SP140: variants seen among roughly 807,000 people sequenced by gnomAD.
The protein encoded by SP140 is nuclear body protein SP140.
A neutral mutation model predicts 125.0 loss-of-function variants in SP140; 81 were observed. The observed-to-expected ratio is 0.65, with a 90% CI of 0.54 to 0.78. The LOEUF is 0.78. SP140 is among the 30% of genes least tolerant of loss of function. The probability of loss-of-function intolerance (pLI) is 0.00; values close to 1 mark genes in which losing one functional copy is unlikely to be tolerated. For synonymous variants in SP140, 312 were observed against 354.0 expected (o/e 0.88, Z 1.33); for missense variants, 858 against 1,037.0 (o/e 0.83, Z 2.37).
chr2:230,311,629 TTCCA>T (rs762697555), intron 26 of SP140, 34 bp downstream of exon 26: 1 of 1,582,284 alleles, frequency 6.3e-7, no homozygotes, highest in Non-Finnish European at 8.6e-7. Context: ...TTTCATTTCT[TTCCA>T]TCCTTCCCCT....
chr2:230,274,446 G>A (rs2054408294), intron 15 of SP140, among the ~76,000 whole-genome samples: 1 of 152,152 alleles, frequency 6.6e-6, no homozygotes, highest in South Asian at 2.1e-4. Flanking sequence ...GCTGGATGTG[G>A]AGATGGATGC....
chr2:230,259,131 C>T (rs1160414375), intron 12 of SP140, among the ~76,000 whole-genome samples: 1 of 151,988 alleles, frequency 6.6e-6, no homozygotes, highest in Non-Finnish European at 1.5e-5. Flanking sequence ...TATTGGGGTA[C>T]AGGTTGTATC....
intron 1 of SP140, among the ~76,000 whole-genome samples, chr2:230,204,404 T>C (rs1484233806): frequency 6.6e-6 from 1 of 152,182 alleles, no homozygotes; most frequent in African/African-American, 2.4e-5. Flanking sequence ...GCAGAGTACG[T>C]ATGTCTGCCC....
upstream of SP140, chr2:230,202,688 T>A (rs2043302733): frequency 1.2e-6 from 2 of 1,613,984 alleles, no homozygotes; most frequent in Non-Finnish European, 1.7e-6. Flanking sequence ...GATCCACCCT[T>A]TTGAGCTTCT....
At chr2:230,305,670 G>A (rs1457836853) in intron 22 of SP140, among the ~76,000 whole-genome samples, 1 of 152,252 alleles carries the variant, frequency 6.6e-6, no homozygotes, top group Non-Finnish European at 1.5e-5. Context: ...GTAGCGTGGG[G>A]GTCGGGCCCG....
Position 230,310,963 on chromosome 2 carries a change from C to T in SP140, c.2283+112C>T. The stretch of plus-strand genomic sequence containing the variant: ...AAGGAGCCTGCTCTTCCGCGCCACA[C>T]TTCAATGGCACTGATAGAACACCAC... On this transcript the variant is annotated intron_variant, in intron 24 of 26. Transcript: ENST00000392045. The T allele has an allele frequency of 6.7e-6, 5 of 741,040 alleles. No individual in the cohort carries two copies. In the South Asian group the frequency reaches 9.5e-5, roughly 14 times the overall value. 45.9% of individuals were successfully genotyped at this position (741,040 alleles called of 1,614,324 possible).
chr2:230,243,488 A>T (rs1048153352), intron 4 of SP140, among the ~76,000 whole-genome samples: 7 of 152,176 alleles, frequency 4.6e-5, no homozygotes, highest in Admixed American at 2.0e-4. Flanking sequence ...GTGGAAAGAC[A>T]TGAGTGAGAA....
intron 4 of SP140, 22 bp from the exon 5 acceptor site, chr2:230,243,708 AG>A: frequency 6.4e-7 from 1 of 1,573,028 alleles, no homozygotes; most frequent in Non-Finnish European, 8.7e-7. Context: ...AAGACATCTA[AG>A]GGATTTCATT....
At position 230,294,309 on chromosome 2, in the gene SP140, G is replaced by A. The variant is rs1421401359; in HGVS notation, c.2007G>A (p.Arg669=). The A allele has an allele frequency of 6.2e-7, 1 of 1,606,110 alleles. No homozygotes were observed. Among genetic ancestry groups the A allele is most frequent in the Non-Finnish European group, 8.5e-7 (1 of 1,174,654 alleles). Residue 669 remains arginine, a synonymous_variant, in exon 21 of 27, where the codon AGG becomes AGA. Coordinates refer to ENST00000392045, the MANE Select transcript of SP140 (RefSeq NM_007237.5). The stretch of plus-strand genomic sequence containing the variant: ...CTGATCCTCCAAGAATACGTTACAG[G>A]AAAAAAAAGGTGATTATTACATAGC... ...FLPDPPRIRY[R]KKKRILKSQN... is the part of the protein sequence containing the mutation.
Position 230,211,084 on chromosome 2 carries a change from C to T in SP140, c.-322-2570C>T, listed in dbSNP as rs923963679. On this transcript the variant is annotated intron_variant, in intron 1 of 4. Coordinates refer to the SP140 transcript ENST00000456542. The surrounding 1 kb of genome is among the most constrained non-coding windows in gnomAD (Gnocchi z 4.2). ...CAGAAGAGTGGCTCTGTCAAACAGT[C>T]CAGCCTGACTCAGTTCCCTTGCTTT... 3.3e-5 allele frequency among the ~76,000 whole-genome samples: 5 copies of T among 152,172 alleles called. No individual in the cohort carries two copies. Among genetic ancestry groups the T allele is most frequent in the African/African-American group, 1.2e-4 (5 of 41,440 alleles).
upstream of SP140, among the ~76,000 whole-genome samples, chr2:230,224,210 T>C (rs1382900660): frequency 6.6e-6 from 1 of 152,214 alleles, no homozygotes; most frequent in African/African-American, 2.4e-5. Flanking sequence ...AATGGCCTTG[T>C]GCTTATAAGC....
intron 11 of SP140, among the ~76,000 whole-genome samples, chr2:230,254,462 C>G (rs558447862): frequency 7.2e-5 from 11 of 152,260 alleles, no homozygotes; most frequent in African/African-American, 2.4e-4. Flanking sequence ...GTTAGGCAGG[C>G]CTCCCTTCCA....
At chr2:230,298,576 G>A (rs2057984783) in intron 22 of SP140, among the ~76,000 whole-genome samples, 1 of 152,144 alleles carries the variant, frequency 6.6e-6, no homozygotes, top group Admixed American at 6.5e-5. Context: ...AGATATGTGT[G>A]GGGAGAAGAG....
intron 12 of SP140, among the ~76,000 whole-genome samples, chr2:230,258,800 CA>C (rs2051690124): frequency 6.6e-6 from 1 of 152,070 alleles, no homozygotes; most frequent in Non-Finnish European, 1.5e-5. Context: ...ACTCCAAGAA[CA>C]GTTTATATAT....
chr2:230,272,351 G>C (rs2054053442), intron 15 of SP140, among the ~76,000 whole-genome samples: 1 of 152,128 alleles, frequency 6.6e-6, no homozygotes. Context: ...TGGTTTGGCT[G>C]TGTCCCCACT....
upstream of SP140, among the ~76,000 whole-genome samples, chr2:230,224,593 C>T (rs1245373534): frequency 6.6e-6 from 1 of 151,872 alleles, no homozygotes; most frequent in Non-Finnish European, 1.5e-5. Context: ...TTGTCTCAAC[C>T]AGATTGGTGT....
intron 1 of SP140, among the ~76,000 whole-genome samples, chr2:230,232,812 AG>A (rs2047442865): frequency 6.6e-6 from 1 of 152,192 alleles, no homozygotes; most frequent in Admixed American, 6.5e-5. Context: ...CTACTTGAGA[AG>A]CTAAGGACTG....
At chr2:230,253,155 C>T (rs59312215) in intron 10 of SP140, among the ~76,000 whole-genome samples, 161 bp from the exon 11 acceptor site, 3,848 of 152,018 alleles carry the variant, frequency 0.025, 163 homozygotes, top group African/African-American at 0.088. Flanking sequence ...GGAGGCAGAA[C>T]GGTGAGGAGG....
At chr2:230,270,721 T>C (rs952712660) in intron 15 of SP140, 82 bp downstream of exon 15, 7 of 1,284,186 alleles carry the variant, frequency 5.5e-6, no homozygotes, top group African/African-American at 1.5e-5. Context: ...TCATTGTTAC[T>C]ATTTCTGTTA....
Sources: gnomAD v4.1 joint callset for allele counts (sites outside exome capture counted in the v4.1 genomes callset) on GRCh38, gnomAD v4.1.1 for gene constraint, Gnocchi (gnomAD v3.1) non-coding constraint, MANE v1.5 for transcripts, NCBI Gene and HGNC (gene_info 2026-07-23, HGNC 2026-07-21) for gene names.